Variants in PON2 observed in about 807,000 individuals in gnomAD.
The protein encoded by PON2 is serum paraoxonase/arylesterase 2.
PON2 carries 27 observed loss-of-function variants against 36.6 expected under a neutral mutation model. The ratio of observed to expected loss-of-function variants is 0.74; its 90% CI spans 0.54 to 1.02. PON2 has a LOEUF of 1.02. Ranked by LOEUF, PON2 falls within the 50% of genes least tolerant of loss-of-function variation. The pLI, the probability that PON2 is intolerant of heterozygous loss-of-function variation, is 0.00. For synonymous variants in PON2, 149 were observed against 156.3 expected, an observed-to-expected ratio of 0.95 and a Z score of 0.35; for missense variants, 363 against 421.1, an observed-to-expected ratio of 0.86 and a Z score of 1.21.
intron 1 of PON2, among the ~76,000 whole-genome samples, chr7:95,431,303 T>C (rs577802911): frequency 5.9e-5 from 9 of 152,192 alleles, no homozygotes; most frequent in Non-Finnish European, 8.8e-5. Context: ...CAAAGTACCA[T>C]CTCTAAATAT....
chr7:95,429,924 T>C (rs1253584256), intron 1 of PON2, among the ~76,000 whole-genome samples: 1 of 152,072 alleles, frequency 6.6e-6, no homozygotes, highest in Non-Finnish European at 1.5e-5. Context: ...TAGAAGACTG[T>C]GGGGAGCTGG....
chr7:95,421,250 G>A (rs574626885), intron 2 of PON2, among the ~76,000 whole-genome samples: 2 of 152,128 alleles, frequency 1.3e-5, no homozygotes, highest in African/African-American at 4.8e-5. Flanking sequence ...TCTGAGGAGC[G>A]CTCCATCCCA....
intron 1 of PON2, among the ~76,000 whole-genome samples, chr7:95,428,918 T>C (rs1280321145): frequency 6.6e-6 from 1 of 152,138 alleles, no homozygotes; most frequent in African/African-American, 2.4e-5. Flanking sequence ...GAGCAGGCAG[T>C]ACCCCATCCT....
intron 3 of PON2, 159 bp downstream of exon 3, chr7:95,416,083 G>C: frequency 1.5e-6 from 2 of 1,358,456 alleles, no homozygotes; most frequent in Non-Finnish European, 2.0e-6. Context: ...TCTACATTTA[G>C]AAAAGCTGGA....
At chr7:95,426,036 G>A (rs567284549) in intron 1 of PON2, among the ~76,000 whole-genome samples, 17 of 152,196 alleles carry the variant, frequency 1.1e-4, no homozygotes, top group African/African-American at 4.1e-4. Context: ...CTTTAACTGG[G>A]AGCTAAACAA....
intron 1 of PON2, among the ~76,000 whole-genome samples, chr7:95,430,777 A>G (rs547987771): frequency 6.6e-6 from 1 of 152,178 alleles, no homozygotes; most frequent in East Asian, 1.9e-4. Context: ...AAAGAAAAAA[A>G]GAAAGAAAAT....
chr7:95,430,659 C>T (rs1789418532), intron 1 of PON2, among the ~76,000 whole-genome samples: 1 of 151,698 alleles, frequency 6.6e-6, no homozygotes, highest in Non-Finnish European at 1.5e-5. Flanking sequence ...GCTTAGGAGG[C>T]TGAGGTGGGA....
chr7:95,406,945 G>T, intron 7 of PON2, 42 bp downstream of exon 7: 1 of 1,203,430 alleles, frequency 8.3e-7, no homozygotes, highest in Non-Finnish European at 1.2e-6. Flanking sequence ...TCATTGCAAA[G>T]CATAATAGAT....
chr7:95,424,562 T>C lies in PON2; in HGVS notation c.98A>G (p.Glu33Gly). ...ALRNRLKASR[E>G]VESVDLPHCH... Reference sequence around the variant, plus strand: ...GTGTGGAAGGTCTACAGATTCTACTTCTCTGGAGGCTTTAAGTCGATTTCT... The same window carrying C: ...GTGTGGAAGGTCTACAGATTCTACTCCTCTGGAGGCTTTAAGTCGATTTCT... Residue 33 changes from glutamate to glycine, a missense_variant, in exon 2 of 9, where the codon GAA (glutamate) becomes GGA (glycine). Coordinates refer to ENST00000222572, the MANE Select transcript of PON2 (RefSeq NM_000305.3). The C allele has an allele frequency of 6.2e-7, 1 of 1,613,236 alleles. No homozygotes were observed. The highest frequency in any genetic ancestry group is 8.5e-7 in the Non-Finnish European group (1 of 1,179,564).
intron 1 of PON2, among the ~76,000 whole-genome samples, chr7:95,428,117 T>C (rs1789357730): frequency 6.6e-6 from 1 of 152,236 alleles, no homozygotes; most frequent in Non-Finnish European, 1.5e-5. Flanking sequence ...AGAGCCAGCC[T>C]CAGACACATT....
chr7:95,417,299 C>T (rs1238244234), intron 2 of PON2, among the ~76,000 whole-genome samples: 1 of 152,034 alleles, frequency 6.6e-6, no homozygotes, highest in African/African-American at 2.4e-5. Context: ...AAAAACAAAA[C>T]AAAATAAAAA....
At chr7:95,420,989 G>T (rs917106530) in intron 2 of PON2, among the ~76,000 whole-genome samples, 22 of 145,386 alleles carry the variant, frequency 1.5e-4, no homozygotes, top group Non-Finnish European at 6.1e-5. Flanking sequence ...AAGCAAAAAA[G>T]AAAAAAAAAA....
intron 1 of PON2, among the ~76,000 whole-genome samples, chr7:95,428,293 G>A (rs1378334992): frequency 6.6e-6 from 1 of 152,084 alleles, no homozygotes. Context: ...ACAGCAAACA[G>A]TATCCGCTGG....
At chr7:95,434,208 A>T (rs1562795349) in intron 1 of PON2, 2 of 152,240 alleles carry the variant, frequency 1.3e-5, no homozygotes, top group East Asian at 3.9e-4. Context: ...AATAAAATAA[A>T]CAAAAAACAA....
chr7:95,432,345 G>T (rs1789462198), intron 1 of PON2, among the ~76,000 whole-genome samples: 1 of 152,184 alleles, frequency 6.6e-6, no homozygotes, highest in Admixed American at 6.5e-5. Flanking sequence ...AGGTGTTTGA[G>T]ATTGCAGTGA....
intron 1 of PON2, among the ~76,000 whole-genome samples, chr7:95,433,772 G>A (rs1301155513): frequency 6.6e-6 from 1 of 152,124 alleles, no homozygotes; most frequent in Non-Finnish European, 1.5e-5. Flanking sequence ...TTTGGCATGG[G>A]CCCCTTCATG....
chr7:95,415,595 TATA>T (rs1452785155), intron 3 of PON2, among the ~76,000 whole-genome samples: 3 of 152,276 alleles, frequency 2.0e-5, no homozygotes, highest in Non-Finnish European at 2.9e-5. Context: ...TTTAAAATAG[TATA>T]ATGTTAGTAT....
intron 1 of PON2, 67 bp from the exon 2 acceptor site, chr7:95,424,652 G>T (rs11767136): frequency 7.6e-7 from 1 of 1,320,834 alleles, no homozygotes; most frequent in South Asian, 1.2e-5. Context: ...CTTTGTTTTA[G>T]AAAGGGTTTA....
chr7:95,415,204 G>GC (rs1456552805), intron 3 of PON2: 3 of 152,200 alleles, frequency 2.0e-5, no homozygotes, highest in African/African-American at 7.2e-5. Context: ...CTATGAAGAT[G>GC]CCAAGAACTC....
Sources: gnomAD v4.1 joint callset for allele counts (sites outside exome capture counted in the v4.1 genomes callset) on GRCh38, gnomAD v4.1.1 for gene constraint, MANE v1.5 for transcripts, NCBI Gene and HGNC (gene_info 2026-07-23, HGNC 2026-07-21) for gene names.